The following P2RX7 variants were observed in gnomAD, a reference collection of about 807,000 sequenced individuals.
P2RX7 encodes P2X purinoceptor 7.
A neutral mutation model predicts 71.6 loss-of-function variants in P2RX7; 62 were observed. That is an observed-to-expected ratio of 0.87 (90% CI 0.71 to 1.07). The LOEUF is 1.07. Ranked by LOEUF, P2RX7 falls within the 50% of genes least tolerant of loss-of-function variation. The pLI, the probability that P2RX7 is intolerant of heterozygous loss-of-function variation, is 0.00. For missense variants in P2RX7, 686 were observed against 748.5 expected (o/e 0.92, Z 0.97); for synonymous variants, 299 against 283.3 (o/e 1.06, Z -0.56).
rs1215864522 is a variant in P2RX7, at chr12:121,156,102, A to G, written c.318A>G (p.Thr106=). ...PLQGNSFFVM[T]NFLKTEGQEQ... Reference sequence around the variant, plus strand: ...AGGGGAACTCTTTCTTCGTGATGACAAACTTTCTCAAAACAGAAGGCCAAG... The same window carrying G: ...AGGGGAACTCTTTCTTCGTGATGACGAACTTTCTCAAAACAGAAGGCCAAG... Residue 106 remains threonine, a synonymous_variant, in exon 3 of 13, where the codon ACA becomes ACG. Transcript: ENST00000328963. The G allele has an allele frequency of 2.5e-6, 4 of 1,614,076 alleles. No individual in the cohort carries two copies. The highest frequency in any genetic ancestry group is 2.7e-5 in the African/African-American group (2 of 74,936).
chr12:121,156,601 G>C (rs1052531132), intron 3 of P2RX7, among the ~76,000 whole-genome samples: 9 of 152,294 alleles, frequency 5.9e-5, no homozygotes, highest in African/African-American at 2.2e-4. Flanking sequence ...GCAGAGCCAG[G>C]GTTAGGACCT....
At chr12:121,141,271 C>T (rs1874787392) in intron 1 of P2RX7, among the ~76,000 whole-genome samples, 1 of 152,238 alleles carries the variant, frequency 6.6e-6, no homozygotes, top group Non-Finnish European at 1.5e-5. Context: ...AAAGCTGCCT[C>T]CGCATCTGAT....
chr12:121,152,024 G>C (rs552123311), intron 1 of P2RX7, among the ~76,000 whole-genome samples: 7 of 152,200 alleles, frequency 4.6e-5, no homozygotes, highest in African/African-American at 1.4e-4. Flanking sequence ...TACTCGCCCA[G>C]GCTGGAGTGC....
chr12:121,179,515 A>C (rs1205655288), intron 11 of P2RX7, among the ~76,000 whole-genome samples: 1 of 151,844 alleles, frequency 6.6e-6, no homozygotes, highest in Non-Finnish European at 1.5e-5. Flanking sequence ...AAAAAAAAAA[A>C]ACAAAGACGA....
In P2RX7 at chr12:121,149,447, C is replaced by T. The variant is rs369067834; in HGVS notation, c.126-5338C>T. On this transcript the variant is annotated intron_variant, in intron 1 of 12. Transcript: ENST00000328963. The surrounding 1 kb of genome is among the most constrained non-coding windows in gnomAD (Gnocchi z 4.7). ...AAGGCCTCACAATCATGGCAGAGGG[C>T]GAAAGGCATGTCTTACATGGTGGCA... Among the ~76,000 whole-genome samples the T allele has an allele frequency of 3.9e-5, 6 of 152,214 alleles. No individual in the cohort carries two copies. Among genetic ancestry groups the T allele is most frequent in the South Asian group, 2.1e-4 (1 of 4,816 alleles).
intron 1 of P2RX7, among the ~76,000 whole-genome samples, chr12:121,134,048 G>C (rs954417783): frequency 6.6e-6 from 1 of 152,148 alleles, no homozygotes; most frequent in Non-Finnish European, 1.5e-5. Context: ...TTTTACGGCT[G>C]AGTAGTACTC....
At chr12:121,166,860 G>A (rs562294629) in intron 7 of P2RX7, among the ~76,000 whole-genome samples, 21 of 150,360 alleles carry the variant, frequency 1.4e-4, no homozygotes, top group African/African-American at 4.9e-4. Context: ...TGGCCAACAT[G>A]GTGAAAGCCC....
At chr12:121,173,219 T>C (rs1882513630) in intron 8 of P2RX7, among the ~76,000 whole-genome samples, 1 of 152,154 alleles carries the variant, frequency 6.6e-6, no homozygotes, top group Non-Finnish European at 1.5e-5. Context: ...GCAGTCTTAC[T>C]CTCTCACTCA....
Position 121,175,453 on chromosome 12 carries a change from GT to G in P2RX7, c.951del (p.Phe317LeufsTer82). 1.3e-6 allele frequency: 2 copies of G among 1,545,740 alleles called. No homozygotes were observed. Among genetic ancestry groups the G allele is most frequent in the Non-Finnish European group, 1.8e-6 (2 of 1,117,678 alleles). ...ACTCTGATAAAAGTCTTCGGGATCC[GT>G]TTTGACATCCTGGTTTTTGGCACCG... is the stretch of plus-strand genomic sequence containing the variant. ...KRTLIKVFGI[R>X]FDILVFGTGG... On this transcript the variant is annotated frameshift_variant, in exon 9 of 13. Coordinates refer to ENST00000328963, the MANE Select transcript of P2RX7 (RefSeq NM_002562.6). LOFTEE classifies it high-confidence loss of function.
At chr12:121,172,434 G>T (rs887400337) in intron 8 of P2RX7, among the ~76,000 whole-genome samples, 1 of 152,148 alleles carries the variant, frequency 6.6e-6, no homozygotes, top group East Asian at 1.9e-4. Context: ...GTTCAAGCCA[G>T]CCTGGGCAAC....
At chr12:121,169,119 C>A (rs1257577276) in intron 8 of P2RX7, among the ~76,000 whole-genome samples, 1 of 152,064 alleles carries the variant, frequency 6.6e-6, no homozygotes, top group Non-Finnish European at 1.5e-5. Context: ...GTGCACGCCA[C>A]CATGCCCAGC....
rs1295866965 is a variant in P2RX7 at position 121,187,117 on chromosome 12, A to G, written c.*2315A>G. On this transcript the variant is annotated 3_prime_UTR_variant, in exon 13 of 13. Transcript: ENST00000328963. ...ATTTCCTTTTCCTGGTTTGGTCACTAGAGTTGGCTATTTATCTGTTTCTAA... is the reference window on the plus strand; with the variant it reads ...ATTTCCTTTTCCTGGTTTGGTCACTGGAGTTGGCTATTTATCTGTTTCTAA... 1.3e-5 allele frequency: 2 copies of G among 152,228 alleles called. No homozygotes were observed. Among genetic ancestry groups the G allele is most frequent in the Admixed American group, 1.3e-4 (2 of 15,272 alleles). 9.4% of individuals were successfully genotyped at this position (152,228 alleles called of 1,614,324 possible).
intron 8 of P2RX7, among the ~76,000 whole-genome samples, chr12:121,170,734 A>T (rs1441165682): frequency 6.6e-6 from 1 of 152,146 alleles, no homozygotes; most frequent in African/African-American, 2.4e-5. Flanking sequence ...GGGTCATGCC[A>T]CTTCACTCCA....
chr12:121,182,384 G>GC (rs1382324464), intron 12 of P2RX7, among the ~76,000 whole-genome samples: 1 of 152,044 alleles, frequency 6.6e-6, no homozygotes, highest in East Asian at 1.9e-4. Flanking sequence ...TCTGAAAAAC[G>GC]CATCAGTAGC....
At position 121,140,254 on chromosome 12, in the gene P2RX7, G is replaced by T. The variant is rs575833487; in HGVS notation, c.125+7159G>T. Among the ~76,000 whole-genome samples the T allele has an allele frequency of 2.0e-5, 3 of 152,368 alleles. No homozygotes were observed. In the South Asian group the frequency reaches 6.2e-4, roughly 32 times the overall value. ...ACAAGAGGAACAGCAAGGACAGCAT[G>T]TCCCAGAACCTGGGGAGAGAGGAGG... On this transcript the variant is annotated intron_variant, in intron 1 of 12. Transcript: ENST00000328963.
At chr12:121,136,647 C>CTTTCT (rs1873752477) in intron 1 of P2RX7, among the ~76,000 whole-genome samples, 1 of 119,252 alleles carries the variant, frequency 8.4e-6, no homozygotes, top group Non-Finnish European at 1.7e-5. Flanking sequence ...TTCTTTCTTT[C>CTTTCT]TTTTTTTTTT....
intron 9 of P2RX7, among the ~76,000 whole-genome samples, chr12:121,176,512 G>A (rs1883158367): frequency 6.6e-6 from 1 of 152,120 alleles, no homozygotes; most frequent in African/African-American, 2.4e-5. Context: ...CAGCTCTTTG[G>A]GAGGCTGAGG....
At chr12:121,150,539 CTA>C (rs1877170490) in intron 1 of P2RX7, among the ~76,000 whole-genome samples, 1 of 152,226 alleles carries the variant, frequency 6.6e-6, no homozygotes, top group East Asian at 1.9e-4. Context: ...TATTTAATAG[CTA>C]TGTCTCGTAT....
intron 3 of P2RX7, among the ~76,000 whole-genome samples, chr12:121,159,119 C>A (rs1267072177): frequency 6.6e-6 from 1 of 152,140 alleles, no homozygotes; most frequent in African/African-American, 2.4e-5. Flanking sequence ...TCACAACAAC[C>A]AGGCAAGACA....
Sources: gnomAD v4.1 joint callset for allele counts (sites outside exome capture counted in the v4.1 genomes callset) on GRCh38, gnomAD v4.1.1 for gene constraint, Gnocchi (gnomAD v3.1) non-coding constraint, MANE v1.5 for transcripts, NCBI Gene and HGNC (gene_info 2026-07-23, HGNC 2026-07-21) for gene names.